Variants in FKBP2 observed in about 807,000 individuals in gnomAD.
FKBP2 encodes the protein FKBP prolyl isomerase 2, also known as peptidyl-prolyl cis-trans isomerase FKBP2.
A neutral mutation model predicts 19.4 loss-of-function variants in FKBP2; 15 were observed. That is an observed-to-expected ratio of 0.77 (90% CI 0.52 to 1.19). The LOEUF is 1.19. Among genes scored for constraint, FKBP2 ranks in the 50% most tolerant of loss-of-function variants. FKBP2 has a pLI of 0.00. For missense variants in FKBP2, 170 were observed against 179.0 expected (o/e 0.95, Z 0.29); for synonymous variants, 76 against 74.8 (o/e 1.02, Z -0.08).
chr11:64,243,341 G>C (rs996250293), intron 3 of FKBP2, 30 bp downstream of exon 3: 2 of 1,597,630 alleles, frequency 1.3e-6, no homozygotes, highest in South Asian at 1.1e-5. Flanking sequence ...GCTTGGGAGT[G>C]GGGGCGTGCA....
chr11:64,243,212 A>C lies in FKBP2; in HGVS notation c.185A>C (p.Asp62Ala). The change falls in exon 3 of 6, where the codon GAT (aspartate) becomes GCT (alanine). Residue 62 changes from aspartate (D) to alanine (A), a missense_variant. Asp to Ala is a moderately radical substitution (Grantham distance 126). Coordinates refer to ENST00000309366, the MANE Select transcript of FKBP2 (RefSeq NM_004470.4). ...LHMHYTGKLE[D>A]GTEFDSSLPQ... is the part of the protein sequence containing the mutation. ...ATGGTTCCACAGGGGAAGCTGGAAG[A>C]TGGGACAGAGTTTGACAGCAGCCTG... 1 of 1,613,672 alleles carries C rather than the reference A, an allele frequency of 6.2e-7. No individual in the cohort carries two copies. The highest frequency in any genetic ancestry group is 8.5e-7 in the Non-Finnish European group (1 of 1,179,956).
intron 3 of FKBP2, 56 bp downstream of exon 3, chr11:64,243,367 A>G (rs1394903876): frequency 6.2e-7 from 1 of 1,603,750 alleles, no homozygotes; most frequent in Non-Finnish European, 8.5e-7. Context: ...ACCGCCCAGG[A>G]GGTAAGCTGT....
Position 64,243,504 on chromosome 11 carries a change from G to A in FKBP2, c.331+7G>A, listed in dbSNP as rs1398439849. ...GTGATCCCATCCGAGCTAGGTAAGA[G>A]GCCCCTCCTGAGGGTGCAGAGCGAG... On this transcript the variant is annotated splice_region_variant and intron_variant, in intron 4 of 5. Transcript: ENST00000309366. 2 of 1,613,550 alleles carry A rather than the reference G, an allele frequency of 1.2e-6. No individual in the cohort carries two copies. Among genetic ancestry groups the A allele is most frequent in the Non-Finnish European group, 1.7e-6 (2 of 1,180,032 alleles).
At position 64,244,015 on chromosome 11, in the gene FKBP2, C is replaced by G. The variant is rs376378612; in HGVS notation, c.415C>G (p.Arg139Gly). 6.2e-7 allele frequency: 1 copy of G among 1,613,778 alleles called. No homozygotes were observed. The highest frequency in any genetic ancestry group is 1.1e-5 in the South Asian group (1 of 91,076). ...GGTGGAGCTGCTCAAAATAGAGCGA[C>G]GAACTGAGCTGTAACCAGACTGGGG... is the stretch of plus-strand genomic sequence containing the variant. The part of the protein sequence containing the change: ...FEVELLKIER[R>G]TEL The change falls in exon 6 of 6, where the codon CGA (arginine) becomes GGA (glycine). Residue 139 changes from arginine (R) to glycine (G), a missense_variant. By Grantham distance (125) the Arg-to-Gly change is moderately radical. Transcript: ENST00000309366.
chr11:64,243,141 G>A, intron 2 of FKBP2, 58 bp from the exon 3 acceptor site: 1 of 1,491,522 alleles, frequency 6.7e-7, no homozygotes, highest in Non-Finnish European at 9.3e-7. Context: ...AAGCAGCTGA[G>A]GGAGGGGGTG....
In FKBP2 at chr11:64,242,604, G is replaced by A. The variant is rs987113870; in HGVS notation, c.171+46G>A. ...TTTTGGGAGTGGGTGGGGCTTCCGA[G>A]GACCAGAGAGTGCTTGGGAGTCTGG... On this transcript the variant is annotated intron_variant, in intron 2 of 5. Coordinates refer to ENST00000309366, the MANE Select transcript of FKBP2 (RefSeq NM_004470.4). 2.0e-6 allele frequency: 3 copies of A among 1,513,886 alleles called. No individual in the cohort carries two copies. The South Asian group carries it at 3.8e-5, about 19-fold the overall frequency. The allele number at this position is 1,513,886 out of a possible 1,614,324, so 93.8% of individuals were successfully genotyped here.
chr11:64,242,267 A>ATC (rs2030557344), intron 1 of FKBP2, 117 bp from the exon 2 acceptor site: 3 of 1,023,826 alleles, frequency 2.9e-6, no homozygotes, highest in Non-Finnish European at 4.0e-6. Context: ...GACAAAGGGG[A>ATC]TCCCCCGGGG....
rs545583540 is a variant in FKBP2, at chr11:64,243,641, G to C, written c.331+144G>C. On this transcript the variant is annotated intron_variant, in intron 4 of 5. Transcript: ENST00000309366. ...TCCAAGTTTGGCTGTGTCTAGCAGT[G>C]AGTACAGGGCAAGATCATTGAAGCA... 4.9e-6 allele frequency: 6 copies of C among 1,220,010 alleles called. No homozygotes were observed. In the African/African-American group the frequency reaches 8.9e-5, roughly 18 times the overall value. 75.6% of individuals were successfully genotyped at this position (1,220,010 alleles called of 1,614,324 possible). A position where few individuals can be genotyped will look rare whatever the true frequency, so the allele number is the denominator to read the frequency against.
chr11:64,243,263 C>T lies in FKBP2; in HGVS notation c.236C>T (p.Ser79Phe). The T allele has an allele frequency of 1.9e-6, 3 of 1,612,592 alleles. No individual in the cohort carries two copies. The highest frequency in any genetic ancestry group is 2.5e-6 in the Non-Finnish European group (3 of 1,179,280). ...CCCCAGAACCAGCCCTTTGTCTTCT[C>T]CCTTGGCACAGGCCAGGTCATCAAG... Reference protein sequence around the residue: ...SLPQNQPFVFSLGTGQVIKGW... With the variant: ...SLPQNQPFVFFLGTGQVIKGW... The change falls in exon 3 of 6, where the codon TCC (serine) becomes TTC (phenylalanine). Residue 79 changes from serine to phenylalanine, a missense_variant. Transcript: ENST00000309366.
At chr11:64,242,278 C>A in intron 1 of FKBP2, 106 bp from the exon 2 acceptor site, 2 of 1,153,332 alleles carry the variant, frequency 1.7e-6, no homozygotes, top group Non-Finnish European at 1.2e-6. Flanking sequence ...TCCCCCGGGG[C>A]AAGGAAGATA....
chr11:64,242,197 C>T, intron 1 of FKBP2, 187 bp from the exon 2 acceptor site: 1 of 521,602 alleles, frequency 1.9e-6, no homozygotes, highest in Non-Finnish European at 3.2e-6. Flanking sequence ...CGGCCAAGCC[C>T]CCTTCTCACT....
At position 64,243,981 on chromosome 11, in the gene FKBP2, G is replaced by C. The variant is rs1233607572; in HGVS notation, c.381G>C (p.Leu127=). 1 of 1,614,078 alleles carries C rather than the reference G, an allele frequency of 6.2e-7. No individual in the cohort carries two copies. The highest frequency in any genetic ancestry group is 1.6e-4 in the Middle Eastern group (1 of 6,062). ...APPKIPGGAT[L]VFEVELLKIE... is the part of the protein sequence containing the mutation. ...TCTCCCCTACAGGTGGTGCAACCCT[G>C]GTGTTCGAGGTGGAGCTGCTCAAAA... is the stretch of plus-strand genomic sequence containing the variant. The change falls in exon 6 of 6, where the codon CTG becomes CTC. Residue 127 remains leucine (L), a synonymous_variant. Coordinates refer to ENST00000309366, the MANE Select transcript of FKBP2 (RefSeq NM_004470.4).
intron 1 of FKBP2, 156 bp downstream of exon 1, chr11:64,241,288 G>C (rs942792416): frequency 1.6e-4 from 24 of 152,490 alleles, no homozygotes; most frequent in African/African-American, 5.3e-4. Context: ...AGATGCCGCA[G>C]GGGGAGGGTT....
chr11:64,242,165 C>T (rs2030548293), intron 1 of FKBP2: 2 of 480,890 alleles, frequency 4.2e-6, no homozygotes, highest in South Asian at 3.2e-5. Flanking sequence ...CCCTGACCCC[C>T]TCCCCCCGCT....
intron 2 of FKBP2, 90 bp from the exon 3 acceptor site, chr11:64,243,109 T>TG (rs1235519217): frequency 1.1e-4 from 123 of 1,100,776 alleles, no homozygotes; most frequent in African/African-American, 2.4e-4. Context: ...TGGGTGGGCG[T>TG]GGGGGGGCAG....
At chr11:64,242,628 G>A in intron 2 of FKBP2, 70 bp downstream of exon 2, 1 of 1,473,028 alleles carries the variant, frequency 6.8e-7, no homozygotes, top group Non-Finnish European at 9.0e-7. Context: ...TTGGGAGTCT[G>A]GTTCTCCATA....
intron 2 of FKBP2, 32 bp downstream of exon 2, chr11:64,242,590 G>A: frequency 6.6e-7 from 1 of 1,523,152 alleles, no homozygotes; most frequent in Non-Finnish European, 8.8e-7. Context: ...TTTGGGAGTG[G>A]GTGGGGCTTC....
rs748529343 is a variant in FKBP2, at chr11:64,243,884, A to G, written c.367+8A>G. 3.1e-6 allele frequency: 5 copies of G among 1,613,812 alleles called. No individual in the cohort carries two copies. The East Asian group carries it at 6.7e-5, about 22-fold the overall frequency. Reference sequence around the variant, plus strand: ...CTCCCCCAAAGATTCCAGGTAGTAAACCTTTTGATACCTCCCATCACCTGC... The same window carrying G: ...CTCCCCCAAAGATTCCAGGTAGTAAGCCTTTTGATACCTCCCATCACCTGC... On this transcript the variant is annotated splice_region_variant and intron_variant, in intron 5 of 5. Coordinates refer to ENST00000309366, the MANE Select transcript of FKBP2 (RefSeq NM_004470.4).
chr11:64,241,842 C>G (rs2030516785), intron 1 of FKBP2: 1 of 152,730 alleles, frequency 6.5e-6, no homozygotes, highest in African/African-American at 2.4e-5. Flanking sequence ...GGCGGCGCCC[C>G]GGGCGGAAGC....
Sources: allele counts gnomAD v4.1 joint callset, GRCh38; gene constraint gnomAD v4.1.1; transcripts MANE v1.5; gene names NCBI Gene and HGNC (gene_info 2026-07-23, HGNC 2026-07-21).